The following ZRANB1 variants were observed in gnomAD, a reference collection of about 807,000 sequenced individuals.
ZRANB1 encodes the protein ubiquitin thioesterase ZRANB1.
Under a neutral mutation model 80.5 loss-of-function variants are expected in ZRANB1, and 16 were observed. The ratio of observed to expected loss-of-function variants is 0.20; its 90% CI spans 0.13 to 0.30. The LOEUF (loss-of-function observed/expected upper bound fraction) is 0.30. Ranked by LOEUF, ZRANB1 falls within the 10% of genes least tolerant of loss-of-function variation. ZRANB1 has a pLI of 1.00. For missense variants in ZRANB1, 576 were observed against 862.6 expected, an observed-to-expected ratio of 0.67 and a Z score of 4.16; for synonymous variants, 291 against 293.1, an observed-to-expected ratio of 0.99 and a Z score of 0.07.
chr10:124,976,919 C>T (rs943213549), intron 5 of ZRANB1, among the ~76,000 whole-genome samples: 3 of 151,810 alleles, frequency 2.0e-5, no homozygotes, highest in African/African-American at 7.3e-5. Flanking sequence ...CAAAAGTACA[C>T]TGTGGATTTT....
the ZRANB1 span, among the ~76,000 whole-genome samples, chr10:124,932,293 T>G: frequency 2.8e-4 from 11 of 38,632 alleles, no homozygotes; most frequent in East Asian, 0.031. Context: ...TTTTTTTTTT[T>G]TTTTTTTTTT....
In ZRANB1 at chr10:124,977,235, A is replaced by G. The variant is rs540334594; in HGVS notation, c.1427+2837A>G. Reference sequence around the variant, plus strand: ...TGTTTCTTCTGCCTTAGCCTCCCAAAGTGCTGAGATTACAGGCATGAGCTA... The same window carrying G: ...TGTTTCTTCTGCCTTAGCCTCCCAAGGTGCTGAGATTACAGGCATGAGCTA... On this transcript the variant is annotated intron_variant, in intron 5 of 8. Coordinates refer to ENST00000359653, the MANE Select transcript of ZRANB1 (RefSeq NM_017580.3). Among the ~76,000 whole-genome samples the G allele has an allele frequency of 6.3e-4, 93 of 148,266 alleles. 2 individuals are homozygous for G. In the South Asian group the frequency reaches 0.018, roughly 29 times the overall value.
upstream of ZRANB1, among the ~76,000 whole-genome samples, chr10:124,940,959 G>T (rs1951530128): frequency 2.6e-5 from 4 of 151,816 alleles, no homozygotes. Flanking sequence ...TCCAGCCTGG[G>T]CAAAACATAG....
intron 5 of ZRANB1, among the ~76,000 whole-genome samples, chr10:124,979,585 T>A (rs1465733681): frequency 2.0e-5 from 3 of 152,234 alleles, no homozygotes; most frequent in African/African-American, 7.2e-5. Flanking sequence ...CTGAAGAGAT[T>A]TTTGTCTAGC....
chr10:124,935,963 A>G, the ZRANB1 span, among the ~76,000 whole-genome samples: 546 of 152,372 alleles, frequency 3.6e-3, 2 homozygotes, highest in African/African-American at 0.012. Context: ...CCAAATGTCA[A>G]TAAAAGTATG....
chr10:124,951,468 T>A (rs1454600567), intron 1 of ZRANB1, among the ~76,000 whole-genome samples: 1 of 152,210 alleles, frequency 6.6e-6, no homozygotes, highest in African/African-American at 2.4e-5. Context: ...ACTGGTGATT[T>A]TGCCCATTTA....
At chr10:124,962,816 T>A (rs924758669) in intron 1 of ZRANB1, among the ~76,000 whole-genome samples, 8 of 152,244 alleles carry the variant, frequency 5.3e-5, no homozygotes, top group African/African-American at 1.7e-4. Flanking sequence ...ATTGTGCATT[T>A]CATTCAATTT....
the ZRANB1 span, among the ~76,000 whole-genome samples, chr10:124,932,634 T>C: frequency 1.3e-5 from 2 of 152,138 alleles, no homozygotes; most frequent in Middle Eastern, 6.8e-3. Flanking sequence ...TTGATAGCAT[T>C]TGTTAGTGTC....
Position 124,983,486 on chromosome 10 carries a change from A to C in ZRANB1, c.1706A>C (p.Gln569Pro). ...QGVYLPLLWE[Q>P]SFCWKSPIAL... ...GTTTATCTGCCTTTGTTGTGGGAAC[A>C]GAGTTTTTGTTGGAAAAGTCCGATT... The change falls in exon 8 of 9, where the codon CAG (glutamine) becomes CCG (proline). Residue 569 changes from glutamine to proline, a missense_variant. Coordinates refer to ENST00000359653, the MANE Select transcript of ZRANB1 (RefSeq NM_017580.3). This position sits in a 1 kb window ranked among gnomAD's most constrained non-coding sequence, Gnocchi z 6.2. The C allele has an allele frequency of 1.2e-6, 2 of 1,612,342 alleles. No homozygotes were observed. Among genetic ancestry groups the C allele is most frequent in the South Asian group, 2.2e-5 (2 of 91,052 alleles).
At chr10:124,926,678 T>C in the ZRANB1 span, among the ~76,000 whole-genome samples, 1 of 152,184 alleles carries the variant, frequency 6.6e-6, no homozygotes, top group Non-Finnish European at 1.5e-5. Flanking sequence ...ATAAAAAGTA[T>C]AGTAAACAAA....
At chr10:124,974,163 GT>G in intron 4 of ZRANB1, 36 bp from the exon 5 acceptor site, 1 of 1,599,818 alleles carries the variant, frequency 6.3e-7, no homozygotes, top group South Asian at 1.1e-5. Context: ...AATGACATAG[GT>G]ATGGAAATGA....
chr10:124,935,095 G>A, the ZRANB1 span, among the ~76,000 whole-genome samples: 1 of 152,160 alleles, frequency 6.6e-6, no homozygotes, highest in Non-Finnish European at 1.5e-5. Flanking sequence ...AGTTGCAGAG[G>A]CAAAAGTGTT....
At chr10:124,977,974 C>T (rs1305967266) in intron 5 of ZRANB1, among the ~76,000 whole-genome samples, 1 of 152,124 alleles carries the variant, frequency 6.6e-6, no homozygotes, top group Non-Finnish European at 1.5e-5. Context: ...CAGTCCCTGC[C>T]ACCGGGGAGC....
At chr10:124,976,533 C>T (rs1951877079) in intron 5 of ZRANB1, among the ~76,000 whole-genome samples, 1 of 149,784 alleles carries the variant, frequency 6.7e-6, no homozygotes, top group African/African-American at 2.5e-5. Context: ...TCTAAAAAGG[C>T]AGCCAGTAAT....
rs1451982454 is a variant in ZRANB1 at position 124,987,655 on chromosome 10, T to TTAA, written c.*2666_*2668dup. 6.6e-6 allele frequency: 1 copy of TTAA among 152,138 alleles called. No homozygotes were observed. The highest frequency in any genetic ancestry group is 2.4e-5 in the African/African-American group (1 of 41,426). 9.4% of individuals were successfully genotyped at this position (152,138 alleles called of 1,614,324 possible). A position where few individuals can be genotyped will look rare whatever the true frequency, so the allele number is the denominator to read the frequency against. On this transcript the variant is annotated 3_prime_UTR_variant, in exon 9 of 9. Coordinates refer to ENST00000359653, the MANE Select transcript of ZRANB1 (RefSeq NM_017580.3). ...CCGTCTCTCTCCATGTGAGCTTGTG[T>TTAA]TAATAGACACTTTTATGGTAGAGTT...
rs1472337157 is a variant in ZRANB1, at chr10:124,964,560, CATAT to C, written c.815-2032_815-2029del. Among the ~76,000 whole-genome samples the C allele has an allele frequency of 5.3e-5, 8 of 152,268 alleles. No homozygotes were observed. In the East Asian group the frequency reaches 5.8e-4, roughly 11 times the overall value. Reference sequence around the variant, plus strand: ...GAGAAATAAGAAATAAACATGAACACATATAGTACAAAACACCTACATACATGCA... The same window carrying C: ...GAGAAATAAGAAATAAACATGAACACAGTACAAAACACCTACATACATGCA... On this transcript the variant is annotated intron_variant, in intron 1 of 8. Transcript: ENST00000359653.
intron 2 of ZRANB1, among the ~76,000 whole-genome samples, chr10:124,970,293 G>A (rs7073487): frequency 0.96 from 146,211 of 152,198 alleles, 70,349 homozygotes; most frequent in Non-Finnish European, 0.99. Context: ...TTTTGAGACA[G>A]ACTTTCTCTC....
chr10:124,950,815 A>G (rs1328282193), intron 1 of ZRANB1, among the ~76,000 whole-genome samples: 5 of 152,126 alleles, frequency 3.3e-5, no homozygotes, highest in Admixed American at 6.5e-5. Context: ...CCTCGTCTCT[A>G]TAAAAAATAA....
chr10:124,968,819 A>G (rs1259089225), intron 2 of ZRANB1, among the ~76,000 whole-genome samples: 1 of 152,198 alleles, frequency 6.6e-6, no homozygotes, highest in Non-Finnish European at 1.5e-5. Flanking sequence ...CTGAGGAGTA[A>G]CAGTGGGATG....
Sources: gnomAD v4.1 joint callset for allele counts (sites outside exome capture counted in the v4.1 genomes callset) on GRCh38, gnomAD v4.1.1 for gene constraint, Gnocchi (gnomAD v3.1) non-coding constraint, MANE v1.5 for transcripts, NCBI Gene and HGNC (gene_info 2026-07-23, HGNC 2026-07-21) for gene names.